Variants in TTC7A observed in about 807,000 individuals in gnomAD.
TTC7A encodes the protein tetratricopeptide repeat domain 7A.
TTC7A carries 110 observed loss-of-function variants against 103.7 expected under a neutral mutation model. The ratio of observed to expected loss-of-function variants is 1.06; its 90% CI spans 0.91 to 1.24. The LOEUF is 1.24. Among genes scored for constraint, TTC7A ranks in the 50% most tolerant of loss-of-function variants. The pLI is 0.00. For synonymous variants in TTC7A, 521 were observed against 467.9 expected (o/e 1.11, Z -1.47); for missense variants, 1,340 against 1,116.3 (o/e 1.20, Z -2.86).
chr2:46,968,320 A>G (rs903977435), intron 3 of TTC7A, among the ~76,000 whole-genome samples: 3 of 152,266 alleles, frequency 2.0e-5, no homozygotes, highest in African/African-American at 7.2e-5. Flanking sequence ...CCTGCCCTGC[A>G]GGGCTGTGTT....
rs529211063 is a variant in TTC7A at position 46,928,232 on chromosome 2, G to A, written c.82+10955G>A. On this transcript the variant is annotated intron_variant, in intron 2 of 20. Transcript: ENST00000409245. ...CTTTCTGCATAACAAATTACTACCAGTTTTGCAGCTTAAAATAACACCCAT... is the reference window on the plus strand; with the variant it reads ...CTTTCTGCATAACAAATTACTACCAATTTTGCAGCTTAAAATAACACCCAT... Among the ~76,000 whole-genome samples, 97 of 151,776 alleles carry A rather than the reference G, an allele frequency of 6.4e-4. 1 individual carries two copies. Among genetic ancestry groups the A allele is most frequent in the African/African-American group, 2.3e-3 (95 of 41,408 alleles).
At chr2:46,984,394 T>C (rs1271927049) in intron 5 of TTC7A, among the ~76,000 whole-genome samples, 2 of 152,192 alleles carry the variant, frequency 1.3e-5, no homozygotes, top group African/African-American at 2.4e-5. Context: ...CCTGAACAGG[T>C]TCCCCCTCTG....
intron 8 of TTC7A, among the ~76,000 whole-genome samples, chr2:47,000,321 T>C (rs1676674009): frequency 6.6e-6 from 1 of 151,818 alleles, no homozygotes; most frequent in Non-Finnish European, 1.5e-5. Flanking sequence ...GAGCACAGAT[T>C]GTTTCAGCTT....
At chr2:46,965,524 G>A (rs1672757083) in intron 3 of TTC7A, among the ~76,000 whole-genome samples, 1 of 151,878 alleles carries the variant, frequency 6.6e-6, no homozygotes, top group Non-Finnish European at 1.5e-5. Flanking sequence ...GATGCTTTTA[G>A]CTGAGGGGTC....
chr2:46,924,250 C>G (rs1411995198), intron 2 of TTC7A, among the ~76,000 whole-genome samples: 1 of 150,340 alleles, frequency 6.7e-6, no homozygotes, highest in African/African-American at 2.4e-5. Context: ...AAAAAAAAAT[C>G]TCAAAGTCCC....
At chr2:47,012,787 T>G (rs565735584) in intron 11 of TTC7A, among the ~76,000 whole-genome samples, 2 of 152,298 alleles carry the variant, frequency 1.3e-5, no homozygotes, top group South Asian at 4.1e-4. Flanking sequence ...ACAAAGAGGC[T>G]GGGTGAAAAG....
At chr2:47,002,242 G>A (rs758083887) in intron 8 of TTC7A, among the ~76,000 whole-genome samples, 2 of 152,202 alleles carry the variant, frequency 1.3e-5, no homozygotes, top group African/African-American at 2.4e-5. Flanking sequence ...TGGATTAAAC[G>A]GAGCAGTGCA....
intron 11 of TTC7A, among the ~76,000 whole-genome samples, chr2:47,015,921 C>T (rs568045648): frequency 6.6e-6 from 1 of 152,330 alleles, no homozygotes; most frequent in South Asian, 2.1e-4. Flanking sequence ...GAGCAGCTAA[C>T]AGCAGGTTCC....
At chr2:47,024,400 T>C (rs1558592876) in intron 14 of TTC7A, 41 bp downstream of exon 14, 3 of 1,557,106 alleles carry the variant, frequency 1.9e-6, no homozygotes, top group Non-Finnish European at 2.6e-6. Flanking sequence ...CCTCGGGGGC[T>C]GCTGATCTTC....
intron 2 of TTC7A, among the ~76,000 whole-genome samples, chr2:46,935,243 G>T (rs1397860403): frequency 2.0e-5 from 3 of 152,100 alleles, no homozygotes; most frequent in African/African-American, 7.2e-5. Context: ...CATTACAAAT[G>T]TGAGCCATGA....
rs112163758 is a variant in TTC7A, at chr2:47,028,896, C to T, written c.1642-328C>T. Among the ~76,000 whole-genome samples the T allele has an allele frequency of 1.6e-3, 247 of 152,292 alleles. 1 individual carries two copies. Among genetic ancestry groups the T allele is most frequent in the African/African-American group, 5.6e-3 (232 of 41,566 alleles). On this transcript the variant is annotated intron_variant, in intron 14 of 19. Transcript: ENST00000319190. Reference sequence around the variant, plus strand: ...TCCTGGAAGGCAGGGTCTCCTGATACATCAGCAGAACTCCAGGGTGACGTT... The same window carrying T: ...TCCTGGAAGGCAGGGTCTCCTGATATATCAGCAGAACTCCAGGGTGACGTT...
At position 47,051,908 on chromosome 2, in the gene TTC7A, A is replaced by G. The variant is rs753314833; in HGVS notation, c.2152+28A>G. ...GAGTGCCCTGGTCCCAGTGACACAC[A>G]CAGCCTGTCTGCAGGCCACCCATGC... On this transcript the variant is annotated intron_variant, in intron 18 of 19. Transcript: ENST00000319190. 4.8e-5 allele frequency: 76 copies of G among 1,586,024 alleles called. 1 individual carries two copies. The highest frequency in any genetic ancestry group is 1.3e-5 in the Non-Finnish European group (15 of 1,164,894).
At chr2:46,978,741 C>A in intron 4 of TTC7A, 51 bp from the exon 5 acceptor site, 1 of 1,496,608 alleles carries the variant, frequency 6.7e-7, no homozygotes, top group South Asian at 1.1e-5. Context: ...CTGAGTGACC[C>A]TCTGCCTCAG....
intron 18 of TTC7A, among the ~76,000 whole-genome samples, chr2:47,058,991 C>T (rs1364533023): frequency 7.2e-6 from 1 of 138,398 alleles, no homozygotes; most frequent in Non-Finnish European, 1.5e-5. Context: ...GGAGTGGGGT[C>T]CTCACCTCCT....
At chr2:46,939,835 T>G (rs1327798493), upstream of TTC7A, among the ~76,000 whole-genome samples, 1 of 152,168 alleles carries the variant, frequency 6.6e-6, no homozygotes, top group Non-Finnish European at 1.5e-5. Context: ...AGGAGTTGAC[T>G]GGAGTAAGCC....
intron 17 of TTC7A, 132 bp downstream of exon 17, chr2:47,050,178 T>A: frequency 1.4e-6 from 1 of 734,296 alleles, no homozygotes; most frequent in Non-Finnish European, 2.3e-6. Context: ...CCTTGCCAGC[T>A]CGGGCAACTT....
intron 2 of TTC7A, among the ~76,000 whole-genome samples, chr2:46,920,663 A>T (rs1355553127): frequency 6.7e-6 from 1 of 149,898 alleles, no homozygotes; most frequent in Non-Finnish European, 1.5e-5. Context: ...AAAAAAAAAA[A>T]TAGATAAATT....
rs1020643271 is a variant in TTC7A at position 46,988,269 on chromosome 2, T to G, written c.765-5181T>G. On this transcript the variant is annotated intron_variant, in intron 5 of 19. Transcript: ENST00000319190. The stretch of plus-strand genomic sequence containing the variant: ...TCCTTGGTGCCACAGGAGGGAAATG[T>G]CACAGCCCTATTCTGAGGCTGGGGG... Among the ~76,000 whole-genome samples, 5 of 152,174 alleles carry G rather than the reference T, an allele frequency of 3.3e-5. No homozygotes were observed. In the South Asian group the frequency reaches 6.2e-4, roughly 19 times the overall value.
Position 47,051,771 on chromosome 2 carries a change from C to G in TTC7A, c.2043C>G (p.Ala681=). 1 of 1,610,888 alleles carries G rather than the reference C, an allele frequency of 6.2e-7. No individual in the cohort carries two copies. Among genetic ancestry groups the G allele is most frequent in the Non-Finnish European group, 8.5e-7 (1 of 1,179,480 alleles). Residue 681 remains alanine (A), a synonymous_variant, in exon 18 of 20, where the codon GCC becomes GCG. Coordinates refer to ENST00000319190, the MANE Select transcript of TTC7A (RefSeq NM_020458.4). ...GCTCCCGGCGGGCTTCGTCCATCGC[C>G]GCCTCCCGGCTGGAGGAGGCCATGT... ...DSGSRRASSI[A]ASRLEEAMSE...
Sources: allele counts gnomAD v4.1 joint callset (sites outside exome capture counted in the v4.1 genomes callset), GRCh38; gene constraint gnomAD v4.1.1; transcripts MANE v1.5; gene names NCBI Gene and HGNC (gene_info 2026-07-23, HGNC 2026-07-21).